Variants in NIPAL2 observed in about 807,000 individuals in gnomAD.
The protein encoded by NIPAL2 is NIPA-like protein 2.
Under a neutral mutation model 48.9 loss-of-function variants are expected in NIPAL2, and 43 were observed. The observed-to-expected ratio is 0.88, with a 90% confidence interval of 0.69 to 1.13. The LOEUF (loss-of-function observed/expected upper bound fraction) is 1.13, where lower values mean the gene tolerates loss of function less well. Among genes scored for constraint, NIPAL2 ranks in the 50% most tolerant of loss-of-function variants. The probability of loss-of-function intolerance (pLI) is 0.00; values close to 1 mark genes in which losing one functional copy is unlikely to be tolerated. For synonymous variants in NIPAL2, 167 were observed against 174.6 expected (o/e 0.96, Z 0.34); for missense variants, 446 against 461.4 (o/e 0.97, Z 0.31).
intron 8 of NIPAL2, 89 bp downstream of exon 8, chr8:98,203,019 A>G: frequency 9.7e-7 from 1 of 1,027,550 alleles, no homozygotes; most frequent in East Asian, 2.5e-5. Context: ...AGATCCTTAC[A>G]ACCTAAAGAT....
chr8:98,272,371 G>A (rs146769786), intron 1 of NIPAL2, among the ~76,000 whole-genome samples: 16 of 152,212 alleles, frequency 1.1e-4, no homozygotes, highest in African/African-American at 3.1e-4. Context: ...ACTGTGCTGC[G>A]AAAAATTGTG....
At chr8:98,273,635 A>G (rs1029056365) in intron 1 of NIPAL2, among the ~76,000 whole-genome samples, 13 of 152,248 alleles carry the variant, frequency 8.5e-5, no homozygotes, top group Middle Eastern at 3.4e-3. Context: ...TTGCTATTTC[A>G]GTCTCTTCTC....
At chr8:98,247,309 C>T (rs1037247886) in intron 3 of NIPAL2, among the ~76,000 whole-genome samples, 2 of 152,200 alleles carry the variant, frequency 1.3e-5, no homozygotes, top group African/African-American at 4.8e-5. Context: ...CCGTGCTGTG[C>T]TCTCCCAGGA....
intron 5 of NIPAL2, among the ~76,000 whole-genome samples, chr8:98,214,427 G>A (rs897443522): frequency 6.6e-6 from 1 of 152,168 alleles, no homozygotes; most frequent in Non-Finnish European, 1.5e-5. Flanking sequence ...GCCTCCCAAA[G>A]TGCTGGGATT....
intron 5 of NIPAL2, among the ~76,000 whole-genome samples, chr8:98,214,382 T>A (rs10108460): frequency 6.6e-6 from 1 of 151,914 alleles, no homozygotes; most frequent in Non-Finnish European, 1.5e-5. Context: ...CATGTTGGTC[T>A]TGAACTCCTG....
intron 4 of NIPAL2, among the ~76,000 whole-genome samples, chr8:98,233,463 G>T (rs908572939): frequency 1.3e-5 from 2 of 151,896 alleles, no homozygotes; most frequent in Non-Finnish European, 2.9e-5. Flanking sequence ...TATTGACAAA[G>T]CTTTGCATTT....
chr8:98,210,009 C>A (rs923537647), intron 6 of NIPAL2, among the ~76,000 whole-genome samples: 1 of 151,892 alleles, frequency 6.6e-6, no homozygotes, highest in Non-Finnish European at 1.5e-5. Flanking sequence ...ATCTATCTAT[C>A]ATTTCTATTT....
At position 98,192,677 on chromosome 8, in the gene NIPAL2, A is replaced by G. The variant is rs1364039122; in HGVS notation, c.*301T>C. The G allele has an allele frequency of 1.2e-5, 4 of 327,274 alleles. No individual in the cohort carries two copies. The highest frequency in any genetic ancestry group is 2.3e-5 in the Non-Finnish European group (4 of 176,642). The allele number at this position is 327,274 out of a possible 1,614,324, so 20.3% of individuals were successfully genotyped here. On this transcript the variant is annotated 3_prime_UTR_variant, in exon 11 of 11. Transcript: ENST00000430223. ...CGACCTGTGGCCAAACCGCAAATGTATGTTTCTGTGCAACATTCCTGCTAG... is the reference window on the plus strand; with the variant it reads ...CGACCTGTGGCCAAACCGCAAATGTGTGTTTCTGTGCAACATTCCTGCTAG...
chr8:98,293,219 C>G (rs182165259), intron 1 of NIPAL2, among the ~76,000 whole-genome samples: 27 of 152,250 alleles, frequency 1.8e-4, no homozygotes, highest in African/African-American at 6.0e-4. Flanking sequence ...AACAAAGTAA[C>G]ACATTTAATG....
intron 4 of NIPAL2, 150 bp from the exon 5 acceptor site, chr8:98,222,750 C>A: frequency 1.3e-6 from 1 of 742,714 alleles, no homozygotes; most frequent in Non-Finnish European, 2.2e-6. Context: ...CCTTGGATAG[C>A]GTCCACATTC....
intron 8 of NIPAL2, among the ~76,000 whole-genome samples, chr8:98,196,368 C>T (rs1453980629): frequency 1.3e-5 from 2 of 152,240 alleles, no homozygotes; most frequent in Non-Finnish European, 2.9e-5. Flanking sequence ...GTCAGCCAGC[C>T]TGGCCTGAGA....
chr8:98,273,804 A>G (rs1180993445), intron 1 of NIPAL2, among the ~76,000 whole-genome samples: 2 of 151,832 alleles, frequency 1.3e-5, no homozygotes, highest in Admixed American at 6.5e-5. Flanking sequence ...TTCTTATCTA[A>G]TAATATATGA....
At chr8:98,230,531 G>A (rs1195604365) in intron 4 of NIPAL2, among the ~76,000 whole-genome samples, 1 of 152,170 alleles carries the variant, frequency 6.6e-6, no homozygotes, top group African/African-American at 2.4e-5. Flanking sequence ...GGAGGATATG[G>A]TTGTCATATT....
chr8:98,228,875 T>C (rs1812305961), intron 4 of NIPAL2, among the ~76,000 whole-genome samples: 1 of 152,206 alleles, frequency 6.6e-6, no homozygotes, highest in African/African-American at 2.4e-5. Context: ...TAGCAAAGAC[T>C]TCTTGCTGTT....
At chr8:98,290,713 A>G (rs1249455643) in intron 1 of NIPAL2, among the ~76,000 whole-genome samples, 1 of 152,238 alleles carries the variant, frequency 6.6e-6, no homozygotes, top group Non-Finnish European at 1.5e-5. Context: ...ATAAATATGT[A>G]CAAGTATTAT....
chr8:98,193,525 TA>T (rs1412512476), intron 10 of NIPAL2: 2 of 1,108,662 alleles, frequency 1.8e-6, no homozygotes, highest in African/African-American at 1.5e-5. Flanking sequence ...AAAATAGAGT[TA>T]AAAATAATCA....
intron 8 of NIPAL2, among the ~76,000 whole-genome samples, chr8:98,198,778 G>A (rs188800384): frequency 8.5e-4 from 130 of 152,200 alleles, no homozygotes; most frequent in African/African-American, 1.9e-3. Flanking sequence ...AAAGAGTTAC[G>A]GCCTTGCTCT....
At chr8:98,262,176 G>T (rs1230985243) in intron 1 of NIPAL2, among the ~76,000 whole-genome samples, 1 of 150,102 alleles carries the variant, frequency 6.7e-6, no homozygotes, top group Non-Finnish European at 1.5e-5. Context: ...GCAAAATCAT[G>T]CCAAAATGTA....
chr8:98,236,222 G>A lies in NIPAL2; in HGVS notation c.377-8C>T, dbSNP rs2130790411. On this transcript the variant is annotated splice_region_variant and splice_polypyrimidine_tract_variant and intron_variant, in intron 3 of 10. Transcript: ENST00000430223. ...CAGAAATAATGGCACTACCTATAAA[G>A]AAAATGGCCATTAGTGGTAGTTCCA... 6.3e-7 allele frequency: 1 copy of A among 1,592,936 alleles called. No individual in the cohort carries two copies. The highest frequency in any genetic ancestry group is 8.6e-7 in the Non-Finnish European group (1 of 1,166,356).
Sources: gnomAD v4.1 joint callset for allele counts (sites outside exome capture counted in the v4.1 genomes callset) on GRCh38, gnomAD v4.1.1 for gene constraint, MANE v1.5 for transcripts, NCBI Gene and HGNC (gene_info 2026-07-23, HGNC 2026-07-21) for gene names.